HMBOX1: variants seen among roughly 807,000 people sequenced by gnomAD.
HMBOX1 encodes homeobox-containing protein 1.
In HMBOX1, 14 loss-of-function variants were observed where a neutral mutation model predicts 54.5. The observed-to-expected ratio is 0.26, with a 90% confidence interval of 0.17 to 0.40. The LOEUF is 0.40. Among genes scored for constraint, HMBOX1 ranks in the 10% least tolerant of loss-of-function variants. HMBOX1 has a pLI of 1.00. For missense variants in HMBOX1, 332 were observed against 514.4 expected, an observed-to-expected ratio of 0.65 and a Z score of 3.43; for synonymous variants, 160 against 181.0, an observed-to-expected ratio of 0.88 and a Z score of 0.93.
chr8:28,933,535 A>G (rs970509401), intron 1 of HMBOX1, among the ~76,000 whole-genome samples: 1 of 152,254 alleles, frequency 6.6e-6, no homozygotes, highest in Non-Finnish European at 1.5e-5. Context: ...CAAGATCAAT[A>G]AAATTGATAT....
At chr8:28,999,021 A>G (rs1281304387) in intron 4 of HMBOX1, among the ~76,000 whole-genome samples, 2 of 152,170 alleles carry the variant, frequency 1.3e-5, no homozygotes, top group Admixed American at 6.5e-5. Flanking sequence ...AGTTATAGAC[A>G]CAAAATATTT....
chr8:28,957,883 G>A (rs745843482), intron 1 of HMBOX1, among the ~76,000 whole-genome samples: 2 of 152,028 alleles, frequency 1.3e-5, no homozygotes, highest in Non-Finnish European at 2.9e-5. Flanking sequence ...TCAGCCTGTC[G>A]AAGTGCTGGT....
chr8:28,980,484 T>A (rs1276606482), intron 4 of HMBOX1, among the ~76,000 whole-genome samples: 1 of 152,200 alleles, frequency 6.6e-6, no homozygotes, highest in Non-Finnish European at 1.5e-5. Flanking sequence ...ACTACATATT[T>A]TTAAAAGCTT....
At chr8:28,995,474 G>C (rs1015831855) in intron 4 of HMBOX1, among the ~76,000 whole-genome samples, 5 of 152,160 alleles carry the variant, frequency 3.3e-5, no homozygotes, top group African/African-American at 1.2e-4. Flanking sequence ...AACATTTGTA[G>C]ATAAGTTTTC....
rs368975966 is a variant in HMBOX1, at chr8:28,970,154, T to C, written c.135T>C (p.His45=). The C allele has an allele frequency of 6.8e-6, 11 of 1,614,188 alleles. No individual in the cohort carries two copies. Among genetic ancestry groups the C allele is most frequent in the Admixed American group, 1.7e-5 (1 of 60,026 alleles). The change falls in exon 3 of 10, where the codon CAT becomes CAC. Residue 45 remains histidine (H), a synonymous_variant. Transcript: ENST00000287701. This position sits in a 1 kb window ranked among gnomAD's most constrained non-coding sequence, Gnocchi z 4.3. The stretch of plus-strand genomic sequence containing the variant: ...GAATGACTAAACATGAAATTCTCCA[T>C]GCCTTGGAAACTTTGGACCGTCTTG... The part of the protein sequence containing the change: ...RTGMTKHEIL[H]ALETLDRLDQ...
intron 1 of HMBOX1, among the ~76,000 whole-genome samples, chr8:28,939,631 T>C (rs979353993): frequency 2.6e-5 from 4 of 151,862 alleles, no homozygotes; most frequent in Admixed American, 2.6e-4. Flanking sequence ...TGCCTCAGCC[T>C]CCCGATTAGC....
intron 1 of HMBOX1, among the ~76,000 whole-genome samples, chr8:28,925,554 T>C (rs1818300413): frequency 6.6e-6 from 1 of 152,172 alleles, no homozygotes; most frequent in Admixed American, 6.5e-5. Context: ...AAATAAGATG[T>C]GTTGTTTTTA....
chr8:28,970,980 T>TCA lies in HMBOX1; in HGVS notation c.500+461_500+462insCA, dbSNP rs1827284197. On this transcript the variant is annotated intron_variant, in intron 3 of 9. Coordinates refer to ENST00000287701, the MANE Select transcript of HMBOX1 (RefSeq NM_001135726.3). This position sits in a 1 kb window ranked among gnomAD's most constrained non-coding sequence, Gnocchi z 4.3. ...TATAGGTTCTAATTTTAGCAATAGATGACACACACACACACACACACACAC... is the reference window on the plus strand; with the variant it reads ...TATAGGTTCTAATTTTAGCAATAGATCAGACACACACACACACACACACACAC... 1.1e-5 allele frequency among the ~76,000 whole-genome samples: 1 copy of TCA among 92,384 alleles called. No individual in the cohort carries two copies. Among genetic ancestry groups the TCA allele is most frequent in the Admixed American group, 1.3e-4 (1 of 7,860 alleles). 60.6% of individuals were successfully genotyped at this position (92,384 alleles called of 152,430 possible).
Position 29,000,146 on chromosome 8 carries a change from G to A in HMBOX1, c.587-8926G>A, listed in dbSNP as rs1378403042. 3.3e-5 allele frequency among the ~76,000 whole-genome samples: 5 copies of A among 152,144 alleles called. No individual in the cohort carries two copies. The East Asian group carries it at 9.6e-4, about 29-fold the overall frequency. On this transcript the variant is annotated intron_variant, in intron 4 of 9. Transcript: ENST00000287701. The stretch of plus-strand genomic sequence containing the variant: ...GAACTATCTTCCTTGTCAGCTTAGT[G>A]GTCAGCTAATTATTAGGTAAAAATT...
At chr8:28,907,849 CT>C (rs1169064905) in intron 1 of HMBOX1, among the ~76,000 whole-genome samples, 458 of 143,990 alleles carry the variant, frequency 3.2e-3, no homozygotes, top group Middle Eastern at 7.2e-3. Context: ...TTCTTTCTTT[CT>C]TTTTTTTTTT....
intron 3 of HMBOX1, among the ~76,000 whole-genome samples, chr8:28,976,264 T>G (rs1467987382): frequency 6.6e-6 from 1 of 152,352 alleles, no homozygotes; most frequent in East Asian, 1.9e-4. Context: ...GTTTAGTATT[T>G]TTACAATTTA....
intron 7 of HMBOX1, 30 bp downstream of exon 7, chr8:29,045,473 G>A (rs371693616): frequency 2.0e-5 from 31 of 1,557,892 alleles, no homozygotes; most frequent in South Asian, 1.7e-4. Context: ...CTTGCTCTGC[G>A]GTGCAGCACA....
chr8:28,958,545 C>T (rs1450592879), intron 1 of HMBOX1, among the ~76,000 whole-genome samples: 1 of 152,112 alleles, frequency 6.6e-6, no homozygotes, highest in Non-Finnish European at 1.5e-5. Context: ...CTATGAACAG[C>T]TTCCTTCCCA....
intron 1 of HMBOX1, among the ~76,000 whole-genome samples, chr8:28,922,240 T>A (rs977690385): frequency 1.3e-5 from 2 of 152,208 alleles, no homozygotes; most frequent in African/African-American, 4.8e-5. Context: ...TATTAGATAG[T>A]ATAAGTAATC....
intron 1 of HMBOX1, among the ~76,000 whole-genome samples, chr8:28,899,551 A>T (rs1812813447): frequency 6.6e-6 from 1 of 152,234 alleles, no homozygotes; most frequent in South Asian, 2.1e-4. Flanking sequence ...AGTCTGTAGT[A>T]GTGAGCATCT....
chr8:28,890,865 C>G (rs996062673), intron 1 of HMBOX1, 187 bp downstream of exon 1: 2 of 152,104 alleles, frequency 1.3e-5, no homozygotes, highest in Non-Finnish European at 2.9e-5. Flanking sequence ...GACCCAGACG[C>G]GGGCTGTGGG....
chr8:29,049,677 C>T (rs1349967390), intron 9 of HMBOX1: 2 of 311,938 alleles, frequency 6.4e-6, no homozygotes, highest in East Asian at 5.0e-5. Context: ...GTAGCCACTG[C>T]GTGGAGTAAT....
At position 28,890,612 on chromosome 8, in the gene HMBOX1, G is replaced by T. The variant is rs1810696372; in HGVS notation, c.-124G>T. ...CCCGCCTTCCCTCCTCCCTATCTCAGCCCTTCGTACTGGGACGTTGGGGAG... is the reference window on the plus strand; with the variant it reads ...CCCGCCTTCCCTCCTCCCTATCTCATCCCTTCGTACTGGGACGTTGGGGAG... On this transcript the variant is annotated 5_prime_UTR_variant, in exon 1 of 10. Transcript: ENST00000287701. 6.5e-6 allele frequency: 1 copy of T among 152,958 alleles called. No individual in the cohort carries two copies. Among genetic ancestry groups the T allele is most frequent in the African/African-American group, 2.4e-5 (1 of 41,440 alleles). The allele number at this position is 152,958 out of a possible 1,614,324, so 9.5% of individuals were successfully genotyped here.
At chr8:28,995,784 G>A (rs1399223343) in intron 4 of HMBOX1, among the ~76,000 whole-genome samples, 1 of 152,098 alleles carries the variant, frequency 6.6e-6, no homozygotes, top group East Asian at 1.9e-4. Flanking sequence ...AAAATGTCTA[G>A]CCAAATCCTT....
Sources: allele counts gnomAD v4.1 joint callset (sites outside exome capture counted in the v4.1 genomes callset), GRCh38; gene constraint gnomAD v4.1.1; non-coding constraint Gnocchi (gnomAD v3.1); transcripts MANE v1.5; gene names NCBI Gene and HGNC (gene_info 2026-07-23, HGNC 2026-07-21).